DOC2A: variants seen among roughly 807,000 people sequenced by gnomAD.
The protein encoded by DOC2A is double C2 domain alpha, also known as double C2-like domain-containing protein alpha.
DOC2A carries 28 observed loss-of-function variants against 40.6 expected under a neutral mutation model. The observed-to-expected ratio is 0.69, with a 90% CI of 0.51 to 0.95. The LOEUF (loss-of-function observed/expected upper bound fraction) is 0.95. Among genes scored for constraint, DOC2A ranks in the 40% least tolerant of loss-of-function variants. The probability of loss-of-function intolerance (pLI) is 0.00; values close to 1 mark genes in which losing one functional copy is unlikely to be tolerated. For synonymous variants in DOC2A, 241 were observed against 236.9 expected, an observed-to-expected ratio of 1.02 and a Z score of -0.16; for missense variants, 474 against 552.5, an observed-to-expected ratio of 0.86 and a Z score of 1.42.
chr16:30,006,513 G>A lies in DOC2A; in HGVS notation c.961-4C>T. The A allele has an allele frequency of 3.1e-6, 5 of 1,613,794 alleles. No individual in the cohort carries two copies. The highest frequency in any genetic ancestry group is 4.2e-6 in the Non-Finnish European group (5 of 1,179,930). ...GCTCTATCTCGTAGAAAAACTCCTA[G>A]GGACAAGGCCGGCCACCCGTTCGTG... On this transcript the variant is annotated splice_region_variant and splice_polypyrimidine_tract_variant and intron_variant, in intron 9 of 10. Coordinates refer to ENST00000350119, the MANE Select transcript of DOC2A (RefSeq NM_003586.3). This position sits in a 1 kb window ranked among gnomAD's most constrained non-coding sequence, Gnocchi z 6.2.
In DOC2A at chr16:30,005,612, C is replaced by A; in HGVS notation, c.*574G>T. The A allele has an allele frequency of 2.9e-6, 2 of 684,968 alleles. No individual in the cohort carries two copies. Among genetic ancestry groups the A allele is most frequent in the South Asian group, 1.8e-5 (1 of 54,264 alleles). The allele number at this position is 684,968 out of a possible 1,614,324, so 42.4% of individuals were successfully genotyped here. A position where few individuals can be genotyped will look rare whatever the true frequency, so the allele number is the denominator to read the frequency against. ...GCACGGGTGTCCCCCAGGAGGGTGG[C>A]AGGGGCCCTGCCTTCAAACCCCGGC... On this transcript the variant is annotated 3_prime_UTR_variant, in exon 11 of 11. Transcript: ENST00000350119.
chr16:30,007,745 A>G, intron 5 of DOC2A: 1 of 248,958 alleles, frequency 4.0e-6, no homozygotes, highest in East Asian at 1.1e-4. Flanking sequence ...CTAAGAAATG[A>G]TTGCTTTCCA....
rs781250169 is a variant in DOC2A, at chr16:30,005,923, C to G, written c.*263G>C. The G allele has an allele frequency of 3.6e-6, 2 of 552,606 alleles. No homozygotes were observed. Among genetic ancestry groups the G allele is most frequent in the African/African-American group, 3.8e-5 (2 of 52,928 alleles). The allele number at this position is 552,606 out of a possible 1,614,324, so 34.2% of individuals were successfully genotyped here. A position where few individuals can be genotyped will look rare whatever the true frequency, so the allele number is the denominator to read the frequency against. On this transcript the variant is annotated 3_prime_UTR_variant, in exon 11 of 11. Coordinates refer to ENST00000350119, the MANE Select transcript of DOC2A (RefSeq NM_003586.3). Reference sequence around the variant, plus strand: ...AGTGAGGAGCGCGGGGGCCTGGGGCCGGGCTCTGAGCACTGCCCGGGTGTG... The same window carrying G: ...AGTGAGGAGCGCGGGGGCCTGGGGCGGGGCTCTGAGCACTGCCCGGGTGTG...
chr16:30,006,585 C>G lies in DOC2A; in HGVS notation c.960+11G>C. The G allele has an allele frequency of 6.2e-7, 1 of 1,613,808 alleles. No individual in the cohort carries two copies. Among genetic ancestry groups the G allele is most frequent in the Non-Finnish European group, 8.5e-7 (1 of 1,179,910 alleles). On this transcript the variant is annotated intron_variant, in intron 9 of 10. Transcript: ENST00000350119. The surrounding 1 kb of genome is among the most constrained non-coding windows in gnomAD (Gnocchi z 6.2). Reference sequence around the variant, plus strand: ...CTGGCCTCCCTCCATGTCCCGTCCCCTCCTGGGTACCTCGTTAAATTCTGG... The same window carrying G: ...CTGGCCTCCCTCCATGTCCCGTCCCGTCCTGGGTACCTCGTTAAATTCTGG...
chr16:30,007,754 C>T, intron 5 of DOC2A: 1 of 252,934 alleles, frequency 4.0e-6, no homozygotes, highest in Non-Finnish European at 7.8e-6. Context: ...GATTGCTTTC[C>T]AGCCACCTGT....
upstream of DOC2A, chr16:30,011,038 G>C: frequency 1.0e-6 from 1 of 985,972 alleles, no homozygotes; most frequent in Non-Finnish European, 1.2e-6. Flanking sequence ...GGGGAGGAGG[G>C]GGTGAGCGAG....
Position 30,005,661 on chromosome 16 carries a change from A to C in DOC2A, c.*525T>G. ...GCCCCCTCCAGGGGACAGTTATTTAAACGAGTGGCCGGGAGCATCTGCCAC... is the reference window on the plus strand; with the variant it reads ...GCCCCCTCCAGGGGACAGTTATTTACACGAGTGGCCGGGAGCATCTGCCAC... On this transcript the variant is annotated 3_prime_UTR_variant, in exon 11 of 11. Coordinates refer to ENST00000350119, the MANE Select transcript of DOC2A (RefSeq NM_003586.3). The C allele has an allele frequency of 5.4e-6, 3 of 558,320 alleles. No homozygotes were observed. The highest frequency in any genetic ancestry group is 3.6e-5 in the Admixed American group (1 of 27,654). 34.6% of individuals were successfully genotyped at this position (558,320 alleles called of 1,614,324 possible). A position where few individuals can be genotyped will look rare whatever the true frequency, so the allele number is the denominator to read the frequency against.
upstream of DOC2A, among the ~76,000 whole-genome samples, chr16:30,015,973 A>G (rs1324734039): frequency 7.1e-6 from 1 of 140,044 alleles, no homozygotes; most frequent in African/African-American, 2.7e-5. Context: ...TGGCCTCCCA[A>G]AGTGCTGGGA....
At chr16:30,022,964 A>T, upstream of DOC2A, 1 of 177,958 alleles carries the variant, frequency 5.6e-6, no homozygotes, top group South Asian at 1.3e-4. Context: ...CTGTCTCCAA[A>T]AAAATGAAAA....
chr16:30,007,218 A>C lies in DOC2A; in HGVS notation c.609T>G (p.Pro203=), dbSNP rs376675512. ...AGATGTTAAAATGCTTCTTCTGCGAAGGCTTGAGGCGGCGGAGGGGCACGC... is the reference window on the plus strand; with the variant it reads ...AGATGTTAAAATGCTTCTTCTGCGACGGCTTGAGGCGGCGGAGGGGCACGC... The part of the protein sequence containing the change: ...EIRVPLRRLK[P]SQKKHFNICL... The change falls in exon 6 of 11, where the codon CCT becomes CCG. Residue 203 remains proline (P), a synonymous_variant. Coordinates refer to ENST00000350119, the MANE Select transcript of DOC2A (RefSeq NM_003586.3). 1 of 1,614,004 alleles carries C rather than the reference A, an allele frequency of 6.2e-7. No individual in the cohort carries two copies. Among genetic ancestry groups the C allele is most frequent in the East Asian group, 2.2e-5 (1 of 44,872 alleles).
Position 30,006,211 on chromosome 16 carries a change from G to A in DOC2A, c.1178C>T (p.Ala393Val), listed in dbSNP as rs375622019. The A allele has an allele frequency of 1.1e-5, 18 of 1,586,222 alleles. No individual in the cohort carries two copies. In the East Asian group the frequency reaches 1.6e-4, roughly 14 times the overall value. Residue 393 changes from alanine (A) to valine (V), a missense_variant, in exon 11 of 11, where the codon GCG (alanine) becomes GTG (valine). Physicochemically the swap from Ala to Val is moderately conservative, Grantham distance 64 (BLOSUM62 0). Transcript: ENST00000350119. This position sits in a 1 kb window ranked among gnomAD's most constrained non-coding sequence, Gnocchi z 6.2. Reference sequence around the variant, plus strand: ...TCAGGCTGAGGACAGAGCCCCGGCCGCAGGGGGCAGCTCACTGGTCAGGGT... The same window carrying A: ...TCAGGCTGAGGACAGAGCCCCGGCCACAGGGGGCAGCTCACTGGTCAGGGT... ...WHTLTSELPP[A>V]AGALSSA
upstream of DOC2A, chr16:30,023,201 T>TC (rs2070939686): frequency 5.8e-6 from 4 of 691,052 alleles, no homozygotes; most frequent in Admixed American, 2.5e-5. Context: ...TCCCAACCTC[T>TC]CTTCTCCTCT....
chr16:30,009,013 G>T lies in DOC2A; in HGVS notation c.510C>A (p.Ile170=), dbSNP rs1416314765. 3.1e-6 allele frequency: 5 copies of T among 1,613,456 alleles called. No individual in the cohort carries two copies. In the South Asian group the frequency reaches 3.3e-5, roughly 11 times the overall value. The change falls in exon 5 of 11, where the codon ATC becomes ATA. Residue 170 remains isoleucine, a synonymous_variant. Coordinates refer to ENST00000350119, the MANE Select transcript of DOC2A (RefSeq NM_003586.3). The surrounding 1 kb of genome is among the most constrained non-coding windows in gnomAD (Gnocchi z 4.1). ...LTYSGITDDD[I]THKVLRIAVC... ...GCCCTCACCTGAGCACCTTGTGCGT[G>T]ATGTCGTCATCTGTGATCCCGCTGT...
In DOC2A at chr16:30,010,813, C is replaced by G; in HGVS notation, c.-14+90G>C. 1.1e-6 allele frequency: 1 copy of G among 928,964 alleles called. No individual in the cohort carries two copies. The highest frequency in any genetic ancestry group is 1.3e-6 in the Non-Finnish European group (1 of 772,106). The allele number at this position is 928,964 out of a possible 1,614,324, so 57.5% of individuals were successfully genotyped here. A position where few individuals can be genotyped will look rare whatever the true frequency, so the allele number is the denominator to read the frequency against. On this transcript the variant is annotated intron_variant, in intron 1 of 10. Coordinates refer to ENST00000350119, the MANE Select transcript of DOC2A (RefSeq NM_003586.3). This position sits in a 1 kb window ranked among gnomAD's most constrained non-coding sequence, Gnocchi z 4.2. ...TCAGGGGAGCCAGAAATTGCAGCCG[C>G]AGGAGAGCCGAACACCCCCGTAGCG...
rs2070740606 is a variant in DOC2A, at chr16:30,010,187, G to A, written c.36C>T (p.Asn12=). The A allele has an allele frequency of 2.5e-6, 4 of 1,613,946 alleles. No homozygotes were observed. Among genetic ancestry groups the A allele is most frequent in the African/African-American group, 2.7e-5 (2 of 74,940 alleles). ...CGTTGATGGCCATGTGCTCCTGGAT[G>A]TTGATGGTCATGCGATCGCCCCTGC... ...RGRRGDRMTI[N]IQEHMAINVC... Residue 12 remains asparagine, a synonymous_variant, in exon 2 of 11, where the codon AAC becomes AAT. Transcript: ENST00000350119. The surrounding 1 kb of genome is among the most constrained non-coding windows in gnomAD (Gnocchi z 4.2).
chr16:30,010,376 G>A lies in DOC2A; in HGVS notation c.-13-141C>T, dbSNP rs1351949439. On this transcript the variant is annotated intron_variant, in intron 1 of 10. Coordinates refer to ENST00000350119, the MANE Select transcript of DOC2A (RefSeq NM_003586.3). The surrounding 1 kb of genome is among the most constrained non-coding windows in gnomAD (Gnocchi z 4.2). Reference sequence around the variant, plus strand: ...AGGGAGAGGGTGGTGTGTGCCAGCCGGTGGCAGGTGGGAGGCCTGGGCCCT... The same window carrying A: ...AGGGAGAGGGTGGTGTGTGCCAGCCAGTGGCAGGTGGGAGGCCTGGGCCCT... 8.4e-6 allele frequency: 10 copies of A among 1,197,394 alleles called. No individual in the cohort carries two copies. Among genetic ancestry groups the A allele is most frequent in the East Asian group, 4.9e-5 (2 of 40,508 alleles). The allele number at this position is 1,197,394 out of a possible 1,614,324, so 74.2% of individuals were successfully genotyped here.
At chr16:30,016,609 G>A (rs1239340425), upstream of DOC2A, among the ~76,000 whole-genome samples, 1 of 152,194 alleles carries the variant, frequency 6.6e-6, no homozygotes, top group Non-Finnish European at 1.5e-5. Context: ...AGAACTTGTT[G>A]AAGACAGGTA....
intron 1 of DOC2A, among the ~76,000 whole-genome samples, chr16:30,018,103 CAAAA>C (rs34061843): frequency 3.2e-5 from 2 of 61,600 alleles, no homozygotes; most frequent in South Asian, 6.9e-4. Flanking sequence ...CTATTTCTAC[CAAAA>C]AAAAAAAAAA....
At chr16:30,021,817 G>A (rs2070913753), upstream of DOC2A, 1 of 152,382 alleles carries the variant, frequency 6.6e-6, no homozygotes, top group African/African-American at 2.4e-5. Flanking sequence ...GACGGAGAGA[G>A]CCCTGTGCCC....
Sources: gnomAD v4.1 joint callset for allele counts (sites outside exome capture counted in the v4.1 genomes callset) on GRCh38, gnomAD v4.1.1 for gene constraint, Gnocchi (gnomAD v3.1) non-coding constraint, MANE v1.5 for transcripts, NCBI Gene and HGNC (gene_info 2026-07-23, HGNC 2026-07-21) for gene names.